The following ADGRL2 variants were observed in gnomAD, a reference collection of about 807,000 sequenced individuals.
ADGRL2 encodes adhesion G protein-coupled receptor L2, also known as calcium-independent alpha-latrotoxin receptor 2.
Under a neutral mutation model 157.4 loss-of-function variants are expected in ADGRL2, and 44 were observed. That is an observed-to-expected ratio of 0.28 (90% CI 0.22 to 0.36). The LOEUF (loss-of-function observed/expected upper bound fraction) is 0.36, where lower values mean the gene tolerates loss of function less well. Ranked by LOEUF, ADGRL2 falls within the 10% of genes least tolerant of loss-of-function variation. The probability of loss-of-function intolerance (pLI) is 1.00; values close to 1 mark genes in which losing one functional copy is unlikely to be tolerated. For synonymous variants in ADGRL2, 585 were observed against 624.7 expected, an observed-to-expected ratio of 0.94 and a Z score of 0.95; for missense variants, 1,510 against 1,768.9, an observed-to-expected ratio of 0.85 and a Z score of 2.63.
chr1:81,931,455 A>G (rs2148777727), intron 3 of ADGRL2, among the ~76,000 whole-genome samples: 1 of 152,278 alleles, frequency 6.6e-6, no homozygotes, highest in East Asian at 1.9e-4. Context: ...CAGAAATTAT[A>G]TATAGGTGAT....
intron 1 of ADGRL2, among the ~76,000 whole-genome samples, chr1:81,351,687 G>A (rs1662902611): frequency 6.6e-6 from 1 of 152,242 alleles, no homozygotes; most frequent in Admixed American, 6.5e-5. Context: ...TAGATGGAAG[G>A]TGCTGAATAC....
At chr1:81,520,110 G>A (rs1483247094) in intron 2 of ADGRL2, among the ~76,000 whole-genome samples, 1 of 152,160 alleles carries the variant, frequency 6.6e-6, no homozygotes, top group Non-Finnish European at 1.5e-5. Flanking sequence ...GAAGGGATTA[G>A]AAGCAAATGA....
At chr1:81,374,070 T>TAC (rs1468157376) in intron 1 of ADGRL2, among the ~76,000 whole-genome samples, 1 of 107,236 alleles carries the variant, frequency 9.3e-6, no homozygotes, top group African/African-American at 2.6e-5. Context: ...CACCTTTAAA[T>TAC]ACACATACAC....
intron 1 of ADGRL2, among the ~76,000 whole-genome samples, chr1:81,409,311 G>T (rs567906973): frequency 3.9e-5 from 6 of 152,134 alleles, no homozygotes; most frequent in Non-Finnish European, 7.4e-5. Flanking sequence ...ATTTGTACCA[G>T]TTAGCAGCCC....
At chr1:81,856,308 T>A (rs1386566598) in intron 2 of ADGRL2, among the ~76,000 whole-genome samples, 2 of 152,160 alleles carry the variant, frequency 1.3e-5, no homozygotes, top group African/African-American at 4.8e-5. Context: ...TGCCACCCTG[T>A]CAGCTGCAGC....
intron 2 of ADGRL2, among the ~76,000 whole-genome samples, chr1:81,885,564 A>G (rs2151307916): frequency 6.6e-6 from 1 of 152,298 alleles, no homozygotes; most frequent in East Asian, 1.9e-4. Flanking sequence ...GTATCGTCGC[A>G]TGGCCCTGTT....
intron 1 of ADGRL2, among the ~76,000 whole-genome samples, chr1:81,423,188 G>A (rs2077155921): frequency 6.6e-6 from 1 of 152,152 alleles, no homozygotes; most frequent in Admixed American, 6.5e-5. Context: ...GCTAACACGA[G>A]AAAGGAAAGA....
chr1:81,800,349 TTAACC>T (rs2087845878), upstream of ADGRL2: 2 of 152,116 alleles, frequency 1.3e-5, no homozygotes, highest in Non-Finnish European at 2.9e-5. Flanking sequence ...CAAAGACGCA[TTAACC>T]CTGGAGCGTC....
At chr1:81,403,815 T>TTTTTG (rs2076805706) in intron 1 of ADGRL2, among the ~76,000 whole-genome samples, 1 of 150,746 alleles carries the variant, frequency 6.6e-6, no homozygotes, top group Admixed American at 6.6e-5. Flanking sequence ...TTTTTTTTTT[T>TTTTTG]GAGACAGAAT....
chr1:81,522,938 A>G (rs563175387), intron 2 of ADGRL2, among the ~76,000 whole-genome samples: 4 of 152,318 alleles, frequency 2.6e-5, no homozygotes, highest in Admixed American at 2.0e-4. Context: ...AATATGCTCT[A>G]GAGAAGATAT....
At chr1:81,913,943 G>A (rs1406479236) in intron 3 of ADGRL2, among the ~76,000 whole-genome samples, 1 of 151,766 alleles carries the variant, frequency 6.6e-6, no homozygotes, top group Non-Finnish European at 1.5e-5. Flanking sequence ...TATACTAATA[G>A]ATACTAATTT....
chr1:81,749,947 C>T (rs1480748492), intron 1 of ADGRL2, among the ~76,000 whole-genome samples: 1 of 152,076 alleles, frequency 6.6e-6, no homozygotes, highest in African/African-American at 2.4e-5. Flanking sequence ...TTGAGAACTG[C>T]AGTTAATTGG....
chr1:81,450,855 G>A (rs2077690188), intron 2 of ADGRL2, among the ~76,000 whole-genome samples: 1 of 152,038 alleles, frequency 6.6e-6, no homozygotes, highest in African/African-American at 2.4e-5. Context: ...CAGACCCCAT[G>A]CTAATGACTT....
intron 3 of ADGRL2, chr1:81,585,866 C>T (rs939270749): frequency 3.3e-5 from 5 of 150,698 alleles, no homozygotes; most frequent in African/African-American, 1.2e-4. Flanking sequence ...ATGCACACAA[C>T]ACACACACAC....
intron 1 of ADGRL2, among the ~76,000 whole-genome samples, chr1:81,823,087 T>A (rs1024209873): frequency 3.3e-5 from 5 of 152,136 alleles, no homozygotes; most frequent in South Asian, 4.1e-4. Context: ...AAAAAAATCT[T>A]GAAAATCTCT....
At chr1:81,742,059 A>G (rs1410786683) in intron 1 of ADGRL2, among the ~76,000 whole-genome samples, 8 of 151,978 alleles carry the variant, frequency 5.3e-5, no homozygotes, top group Non-Finnish European at 8.8e-5. Context: ...TTTAAAAGGC[A>G]GTAGTATGTA....
Position 81,990,514 on chromosome 1 carries a change from G to C in ADGRL2, c.3779G>C (p.Cys1260Ser), listed in dbSNP as rs998545121. 3 of 1,614,138 alleles carry C rather than the reference G, an allele frequency of 1.9e-6. No homozygotes were observed. Among genetic ancestry groups the C allele is most frequent in the Non-Finnish European group, 2.5e-6 (3 of 1,179,988 alleles). Reference sequence around the variant, plus strand: ...AATGACAGCGTGCAAGTTGTGGACTGTGGACTAAGTCTGAATGATACTGCT... The same window carrying C: ...AATGACAGCGTGCAAGTTGTGGACTCTGGACTAAGTCTGAATGATACTGCT... ...DYNDSVQVVDCGLSLNDTAFE... is the reference protein window; with the variant it reads ...DYNDSVQVVDSGLSLNDTAFE... Residue 1260 changes from cysteine (C) to serine (S), a missense_variant, in exon 24 of 24, where the codon TGT becomes TCT. Transcript: ENST00000686636.
At chr1:81,686,943 G>A (rs780038379) in intron 3 of ADGRL2, among the ~76,000 whole-genome samples, 12 of 152,138 alleles carry the variant, frequency 7.9e-5, no homozygotes, top group East Asian at 1.9e-4. Context: ...GTGTGGTTTC[G>A]AAGGTCCCTT....
intron 1 of ADGRL2, among the ~76,000 whole-genome samples, chr1:81,359,616 T>A (rs1395124838): frequency 2.0e-5 from 3 of 152,038 alleles, no homozygotes; most frequent in Admixed American, 2.0e-4. Flanking sequence ...ATGATTAAGT[T>A]TTTATTTTTA....
Sources: gnomAD v4.1 joint callset for allele counts (sites outside exome capture counted in the v4.1 genomes callset) on GRCh38, gnomAD v4.1.1 for gene constraint, MANE v1.5 for transcripts, NCBI Gene and HGNC (gene_info 2026-07-23, HGNC 2026-07-21) for gene names.